SCN2A: variants seen among roughly 807,000 people sequenced by gnomAD.
SCN2A encodes the protein sodium voltage-gated channel alpha subunit 2.
A neutral mutation model predicts 188.7 loss-of-function variants in SCN2A; 20 were observed. The ratio of observed to expected loss-of-function variants is 0.11; its 90% CI spans 0.07 to 0.15. The LOEUF is 0.15. Ranked by LOEUF, SCN2A falls within the 10% of genes least tolerant of loss-of-function variation. SCN2A has a pLI of 1.00. For missense variants in SCN2A, 1,278 were observed against 2,445.0 expected, an observed-to-expected ratio of 0.52 and a Z score of 10.07; for synonymous variants, 804 against 833.1, an observed-to-expected ratio of 0.97 and a Z score of 0.60.
chr2:165,349,602 TA>T (rs1194425570), intron 16 of SCN2A, among the ~76,000 whole-genome samples: 1 of 152,226 alleles, frequency 6.6e-6, no homozygotes, highest in African/African-American at 2.4e-5. Flanking sequence ...GATGTATGCA[TA>T]AAAAGATATA....
chr2:165,252,833 G>T (rs1001092936), intron 1 of SCN2A, among the ~76,000 whole-genome samples: 7 of 151,984 alleles, frequency 4.6e-5, no homozygotes, highest in African/African-American at 1.7e-4. Flanking sequence ...AGACCAGCCT[G>T]CTACCTTGAG....
chr2:165,308,919 C>A, intron 5 of SCN2A, 125 bp downstream of exon 5: 5 of 1,298,996 alleles, frequency 3.8e-6, no homozygotes, highest in Non-Finnish European at 4.3e-6. Flanking sequence ...AGTTTTCTTC[C>A]AATCAAATTA....
intron 11 of SCN2A, among the ~76,000 whole-genome samples, chr2:165,319,294 G>A (rs545125763): frequency 2.5e-4 from 38 of 152,124 alleles, no homozygotes; most frequent in Non-Finnish European, 4.0e-4. Flanking sequence ...CCGAGATCAC[G>A]CCACTGCACT....
intron 1 of SCN2A, chr2:165,290,560 ATCT>A (rs1238932599): frequency 6.4e-6 from 1 of 155,720 alleles, no homozygotes; most frequent in African/African-American, 2.4e-5. Flanking sequence ...ATTATGACTA[ATCT>A]TCTCCCAAAA....
At chr2:165,242,733 C>T (rs1437203079) in intron 1 of SCN2A, among the ~76,000 whole-genome samples, 1 of 152,030 alleles carries the variant, frequency 6.6e-6, no homozygotes, top group African/African-American at 2.4e-5. Context: ...GGTATGAAGT[C>T]AGTAGAGAGA....
chr2:165,333,159 G>C (rs1470844304), intron 14 of SCN2A, among the ~76,000 whole-genome samples: 1 of 151,902 alleles, frequency 6.6e-6, no homozygotes, highest in East Asian at 1.9e-4. Context: ...TCTTATCACT[G>C]GAGGCAGAGT....
At chr2:165,359,574 C>T (rs944492637) in intron 17 of SCN2A, among the ~76,000 whole-genome samples, 3 of 151,942 alleles carry the variant, frequency 2.0e-5, no homozygotes, top group Non-Finnish European at 4.4e-5. Context: ...GAAACATTGT[C>T]CACTTCCTAA....
intron 1 of SCN2A, among the ~76,000 whole-genome samples, chr2:165,284,306 G>T (rs550542435): frequency 6.6e-6 from 1 of 152,188 alleles, no homozygotes; most frequent in East Asian, 1.9e-4. Context: ...TAGTAGCTGG[G>T]ACTACAGGTG....
chr2:165,326,455 A>G (rs1241245175), intron 12 of SCN2A, among the ~76,000 whole-genome samples: 3 of 152,206 alleles, frequency 2.0e-5, no homozygotes, highest in Non-Finnish European at 4.4e-5. Flanking sequence ...TTTTGTTCAT[A>G]TATTAAACTA....
chr2:165,296,329 A>G (rs902680815), intron 2 of SCN2A: 14 of 541,494 alleles, frequency 2.6e-5, no homozygotes, highest in Non-Finnish European at 4.6e-5. Flanking sequence ...CGCGGGAATT[A>G]AGGAAGGACA....
chr2:165,386,530 A>G (rs114176465), intron 25 of SCN2A, among the ~76,000 whole-genome samples: 1 of 151,914 alleles, frequency 6.6e-6, no homozygotes, highest in Non-Finnish European at 1.5e-5. Flanking sequence ...GAGCTTCCCT[A>G]TTTACACTAC....
At chr2:165,384,229 T>TA (rs1202425190) in intron 25 of SCN2A, among the ~76,000 whole-genome samples, 1 of 152,118 alleles carries the variant, frequency 6.6e-6, no homozygotes, top group African/African-American at 2.4e-5. Flanking sequence ...TTTAATGTTC[T>TA]AAAAAAAGTA....
intron 1 of SCN2A, among the ~76,000 whole-genome samples, chr2:165,257,091 G>A (rs1015630440): frequency 2.0e-5 from 3 of 152,138 alleles, no homozygotes; most frequent in Non-Finnish European, 2.9e-5. Context: ...GGGAACTGAC[G>A]CATCATTTCC....
chr2:165,303,917 T>A (rs1055453835), intron 3 of SCN2A, among the ~76,000 whole-genome samples: 4 of 152,170 alleles, frequency 2.6e-5, no homozygotes, highest in Non-Finnish European at 5.9e-5. Context: ...CTTGTTAATG[T>A]TGAAATATAT....
At chr2:165,283,841 A>G (rs1195604548) in intron 1 of SCN2A, among the ~76,000 whole-genome samples, 1 of 152,206 alleles carries the variant, frequency 6.6e-6, no homozygotes, top group Non-Finnish European at 1.5e-5. Context: ...CAGAGTGGCA[A>G]TGGCAAATTA....
At chr2:165,266,933 G>A (rs1694893102) in intron 1 of SCN2A, 1 of 152,044 alleles carries the variant, frequency 6.6e-6, no homozygotes, top group South Asian at 2.1e-4. Flanking sequence ...CAAAAATATT[G>A]AGGAATAAAC....
At chr2:165,372,364 A>T (rs1032521919) in intron 20 of SCN2A, 1 of 152,032 alleles carries the variant, frequency 6.6e-6, no homozygotes, top group Admixed American at 6.6e-5. Context: ...TAAAAAATAT[A>T]TTTTTCAAAT....
intron 1 of SCN2A, chr2:165,241,029 T>C (rs930296319): frequency 1.3e-5 from 2 of 152,116 alleles, no homozygotes; most frequent in African/African-American, 4.8e-5. Flanking sequence ...AAGGCAAGGC[T>C]AGAACAGTGA....
chr2:165,347,855 T>C (rs1041707139), intron 16 of SCN2A, among the ~76,000 whole-genome samples: 3 of 152,092 alleles, frequency 2.0e-5, no homozygotes, highest in Admixed American at 6.5e-5. Context: ...CTAAAATATA[T>C]TTAACTGAGA....
Sources: gnomAD v4.1 joint callset for allele counts (sites outside exome capture counted in the v4.1 genomes callset) on GRCh38, gnomAD v4.1.1 for gene constraint, MANE v1.5 for transcripts, NCBI Gene and HGNC (gene_info 2026-07-23, HGNC 2026-07-21) for gene names.